Variants in FBXL5 observed in about 807,000 individuals in gnomAD.
The protein encoded by FBXL5 is F-box and leucine rich repeat protein 5.
FBXL5 carries 26 observed loss-of-function variants against 78.3 expected under a neutral mutation model. The ratio of observed to expected loss-of-function variants is 0.33; its 90% CI spans 0.24 to 0.46. The LOEUF (loss-of-function observed/expected upper bound fraction) is 0.46. Ranked by LOEUF, FBXL5 falls within the 20% of genes least tolerant of loss-of-function variation. The pLI is 1.00. For synonymous variants in FBXL5, 295 were observed against 282.5 expected, an observed-to-expected ratio of 1.04 and a Z score of -0.45; for missense variants, 710 against 829.2, an observed-to-expected ratio of 0.86 and a Z score of 1.77.
rs1224971763 is a variant in FBXL5 at position 15,604,709 on chromosome 4, C to A, written c.*1014G>T. ...TCAATAGGAGGAACATTGCCATTTTCTTCTACATGACATAAAATTGTACTA... is the reference window on the plus strand; with the variant it reads ...TCAATAGGAGGAACATTGCCATTTTATTCTACATGACATAAAATTGTACTA... On this transcript the variant is annotated 3_prime_UTR_variant, in exon 11 of 11. Transcript: ENST00000341285. 2 of 152,196 alleles carry A rather than the reference C, an allele frequency of 1.3e-5. No individual in the cohort carries two copies. Among genetic ancestry groups the A allele is most frequent in the Non-Finnish European group, 2.9e-5 (2 of 68,028 alleles). The allele number at this position is 152,196 out of a possible 1,614,324, so 9.4% of individuals were successfully genotyped here.
chr4:15,627,443 T>A (rs918235012), intron 7 of FBXL5, among the ~76,000 whole-genome samples: 2 of 152,168 alleles, frequency 1.3e-5, no homozygotes, highest in African/African-American at 4.8e-5. Context: ...AAGTATCTGT[T>A]TTAGCAGTTA....
intron 10 of FBXL5, among the ~76,000 whole-genome samples, chr4:15,609,745 A>G (rs1487153178): frequency 6.6e-6 from 1 of 152,088 alleles, no homozygotes; most frequent in African/African-American, 2.4e-5. Context: ...AAAGTCATAA[A>G]GAATCATTCA....
chr4:15,618,709 G>A (rs10939628), intron 9 of FBXL5, among the ~76,000 whole-genome samples: 42,464 of 151,996 alleles, frequency 0.28, 6,177 homozygotes, highest in East Asian at 0.47. Flanking sequence ...GGGCGTGGTG[G>A]CACGTGCCTG....
chr4:15,611,392 GAACTGGGCACTCAAAGACAA>G (rs1375579193), intron 10 of FBXL5, among the ~76,000 whole-genome samples: 36 of 152,134 alleles, frequency 2.4e-4, no homozygotes, highest in Admixed American at 1.5e-3. Flanking sequence ...ATCTTAAGGT[GAACTGGGCACTCAAAGACAA>G]TAGGGCGCAG....
intron 1 of FBXL5, among the ~76,000 whole-genome samples, chr4:15,647,167 G>A (rs1471985742): frequency 7.6e-6 from 1 of 132,380 alleles, no homozygotes; most frequent in Non-Finnish European, 1.5e-5. Context: ...AGGTTGCAGT[G>A]AGCCGAGATC....
At chr4:15,628,161 C>A in intron 6 of FBXL5, 128 bp from the exon 7 acceptor site, 3 of 879,790 alleles carry the variant, frequency 3.4e-6, no homozygotes, top group Admixed American at 3.4e-5. Flanking sequence ...TAAACCATCC[C>A]ATTTTTAGGC....
chr4:15,645,401 C>T (rs1349898882), intron 1 of FBXL5, among the ~76,000 whole-genome samples: 2 of 152,098 alleles, frequency 1.3e-5, no homozygotes, highest in African/African-American at 2.4e-5. Context: ...CATTACTTAA[C>T]TGTGTAACCC....
At chr4:15,623,133 C>G (rs1350349233) in intron 9 of FBXL5, among the ~76,000 whole-genome samples, 1 of 151,872 alleles carries the variant, frequency 6.6e-6, no homozygotes, top group Non-Finnish European at 1.5e-5. Flanking sequence ...GAGGGAAACT[C>G]TTTGGTATTC....
At chr4:15,656,186 G>A (rs762327063), upstream of FBXL5, 2 of 456,186 alleles carry the variant, frequency 4.4e-6, no homozygotes, top group South Asian at 1.5e-5. Context: ...TACAAATCCC[G>A]CCATTTTAAG....
At chr4:15,634,333 C>T (rs767251700) in intron 5 of FBXL5, among the ~76,000 whole-genome samples, 3 of 151,438 alleles carry the variant, frequency 2.0e-5, no homozygotes, top group Non-Finnish European at 2.9e-5. Context: ...GGATTACAGG[C>T]ATGTGCCACC....
intron 10 of FBXL5, 115 bp downstream of exon 10, chr4:15,612,151 G>T: frequency 1.3e-6 from 1 of 791,816 alleles, no homozygotes; most frequent in Non-Finnish European, 1.9e-6. Flanking sequence ...AAATCTGAAA[G>T]TAAGATAGTC....
rs1714305222 is a variant in FBXL5, at chr4:15,636,620, G to A, written c.640C>T (p.Leu214=). The change falls in exon 5 of 11, where the codon CTG becomes TTG. Residue 214 remains leucine (L), a synonymous_variant. Coordinates refer to ENST00000341285, the MANE Select transcript of FBXL5 (RefSeq NM_012161.4). ...GGATTAAGATAGCTGAAAATTGACA[G>A]CATTACCTCAGGAGGAAGATGGGTT... ...GITHLPPEVM[L]SIFSYLNPQE... 16 of 1,613,796 alleles carry A rather than the reference G, an allele frequency of 9.9e-6. No individual in the cohort carries two copies. The East Asian group carries it at 3.6e-4, about 36-fold the overall frequency.
At chr4:15,629,965 C>G (rs1713452506) in intron 6 of FBXL5, among the ~76,000 whole-genome samples, 1 of 152,112 alleles carries the variant, frequency 6.6e-6, no homozygotes, top group Non-Finnish European at 1.5e-5. Flanking sequence ...TAATTATTAT[C>G]TAGAATATCC....
At chr4:15,626,806 G>C in intron 8 of FBXL5, 67 bp downstream of exon 8, 1 of 1,107,214 alleles carries the variant, frequency 9.0e-7, no homozygotes, top group East Asian at 2.6e-5. Context: ...TGATTAAACT[G>C]CAATTACATA....
At chr4:15,643,133 ATATTAC>A (rs977217413) in intron 2 of FBXL5, among the ~76,000 whole-genome samples, 1 of 152,184 alleles carries the variant, frequency 6.6e-6, no homozygotes, top group Non-Finnish European at 1.5e-5. Context: ...CCTTCTATTA[ATATTAC>A]TATCTAGTAC....
chr4:15,669,185 G>T (rs1377756519), intron 1 of FBXL5, among the ~76,000 whole-genome samples: 1 of 152,084 alleles, frequency 6.6e-6, no homozygotes, highest in South Asian at 2.1e-4. Context: ...AAACATCTGA[G>T]CATACTTACA....
At chr4:15,655,409 C>A (rs1379616654), upstream of FBXL5, 2 of 1,014,554 alleles carry the variant, frequency 2.0e-6, no homozygotes, top group South Asian at 4.6e-5. Context: ...CGCGCGCGCC[C>A]GGTCGGCTTG....
upstream of FBXL5, chr4:15,659,655 TA>T: frequency 1.3e-6 from 1 of 752,742 alleles, no homozygotes; most frequent in Non-Finnish European, 1.6e-6. Context: ...TAGTGGTCCA[TA>T]AAGTTTCCTT....
At chr4:15,637,902 T>TTTAAAAA (rs1184051081) in intron 4 of FBXL5, among the ~76,000 whole-genome samples, 1 of 144,802 alleles carries the variant, frequency 6.9e-6, no homozygotes, top group African/African-American at 2.5e-5. Flanking sequence ...CTAGTTTTTT[T>TTTAAAAA]AAAAAAAAAA....
Sources: allele counts gnomAD v4.1 joint callset (sites outside exome capture counted in the v4.1 genomes callset), GRCh38; gene constraint gnomAD v4.1.1; transcripts MANE v1.5; gene names NCBI Gene and HGNC (gene_info 2026-07-23, HGNC 2026-07-21).